Variants in ARHGAP10 observed in about 807,000 individuals in gnomAD.
ARHGAP10 encodes rho GTPase-activating protein 10.
A neutral mutation model predicts 108.6 loss-of-function variants in ARHGAP10; 87 were observed. The observed-to-expected ratio is 0.80, with a 90% CI of 0.67 to 0.96. The LOEUF is 0.96. Ranked by LOEUF, ARHGAP10 falls within the 40% of genes least tolerant of loss-of-function variation. ARHGAP10 has a pLI of 0.00. For synonymous variants in ARHGAP10, 347 were observed against 341.1 expected, an observed-to-expected ratio of 1.02 and a Z score of -0.19; for missense variants, 939 against 954.5, an observed-to-expected ratio of 0.98 and a Z score of 0.21.
chr4:147,737,453 C>T (rs1057100126), intron 1 of ARHGAP10, among the ~76,000 whole-genome samples: 5 of 151,718 alleles, frequency 3.3e-5, no homozygotes, highest in African/African-American at 1.2e-4. Flanking sequence ...CTGCGCCTGG[C>T]CTTAATGGCC....
At chr4:147,822,990 G>T (rs1228458257) in intron 3 of ARHGAP10, 33 bp downstream of exon 3, 1 of 1,581,340 alleles carries the variant, frequency 6.3e-7, no homozygotes, top group African/African-American at 1.4e-5. Context: ...TAATAAGTCA[G>T]CTTTCAAGGG....
intron 3 of ARHGAP10, among the ~76,000 whole-genome samples, chr4:147,827,909 G>A (rs988504913): frequency 2.6e-5 from 4 of 152,098 alleles, no homozygotes; most frequent in African/African-American, 9.7e-5. Context: ...AGGTTCAAGC[G>A]ATTTTCCTGC....
chr4:147,874,679 C>G (rs1734988849), intron 7 of ARHGAP10, among the ~76,000 whole-genome samples: 1 of 152,274 alleles, frequency 6.6e-6, no homozygotes, highest in East Asian at 1.9e-4. Context: ...ATATTAAAAC[C>G]TAACTTATGT....
chr4:147,970,008 G>A (rs893044406), intron 18 of ARHGAP10, among the ~76,000 whole-genome samples: 11 of 152,090 alleles, frequency 7.2e-5, no homozygotes, highest in African/African-American at 2.7e-4. Flanking sequence ...TGGAGATGGG[G>A]GATGTCAGTT....
At chr4:148,032,363 G>A (rs374002657) in intron 19 of ARHGAP10, among the ~76,000 whole-genome samples, 4 of 113,444 alleles carry the variant, frequency 3.5e-5, no homozygotes, top group African/African-American at 1.0e-4. Flanking sequence ...TAGGCCAAAC[G>A]TTGTAATCAT....
chr4:147,997,588 GCC>G (rs1456697792), intron 18 of ARHGAP10, among the ~76,000 whole-genome samples: 1 of 152,176 alleles, frequency 6.6e-6, no homozygotes, highest in African/African-American at 2.4e-5. Flanking sequence ...GACAAAGATG[GCC>G]CATCAGAAGG....
At chr4:147,958,900 A>G (rs1299452365) in intron 16 of ARHGAP10, among the ~76,000 whole-genome samples, 2 of 152,184 alleles carry the variant, frequency 1.3e-5, no homozygotes, top group East Asian at 3.8e-4. Flanking sequence ...AGTGTGGTAG[A>G]TGCTGATTTG....
intron 19 of ARHGAP10, among the ~76,000 whole-genome samples, chr4:148,029,587 T>A (rs1165691223): frequency 1.3e-5 from 2 of 152,208 alleles, no homozygotes; most frequent in Non-Finnish European, 2.9e-5. Context: ...TTGATGCAGA[T>A]TATAATCAAT....
chr4:147,937,208 C>T (rs1458530465), intron 13 of ARHGAP10, among the ~76,000 whole-genome samples: 1 of 151,938 alleles, frequency 6.6e-6, no homozygotes, highest in Non-Finnish European at 1.5e-5. Context: ...CAATATTAAG[C>T]TATCAGCAGG....
At chr4:147,997,725 A>C (rs1740534776) in intron 18 of ARHGAP10, among the ~76,000 whole-genome samples, 1 of 152,232 alleles carries the variant, frequency 6.6e-6, no homozygotes, top group Admixed American at 6.5e-5. Flanking sequence ...AAATTTCAAG[A>C]AAGATTAATT....
chr4:148,068,049 G>T (rs573323669), intron 22 of ARHGAP10, among the ~76,000 whole-genome samples: 6 of 151,994 alleles, frequency 3.9e-5, no homozygotes, highest in African/African-American at 1.4e-4. Context: ...TCCTGTGATG[G>T]CCAGAGGGAC....
chr4:147,984,303 C>T (rs1739945069), intron 18 of ARHGAP10, among the ~76,000 whole-genome samples: 1 of 152,228 alleles, frequency 6.6e-6, no homozygotes, highest in South Asian at 2.1e-4. Context: ...CCCCAGGAAG[C>T]AGTTTCTTTC....
At chr4:147,959,730 G>T (rs1402954710) in intron 16 of ARHGAP10, among the ~76,000 whole-genome samples, 1 of 152,090 alleles carries the variant, frequency 6.6e-6, no homozygotes, top group African/African-American at 2.4e-5. Context: ...GTATTTCATG[G>T]TGTGTATGTG....
chr4:148,004,187 C>T (rs6810743), intron 18 of ARHGAP10, among the ~76,000 whole-genome samples: 261 of 152,272 alleles, frequency 1.7e-3, no homozygotes, highest in African/African-American at 6.1e-3. Flanking sequence ...ATGACCCTGT[C>T]TCAAAAATAA....
intron 6 of ARHGAP10, 167 bp from the exon 7 acceptor site, chr4:147,866,545 T>G (rs1431979192): frequency 3.7e-6 from 2 of 547,140 alleles, no homozygotes; most frequent in Non-Finnish European, 6.5e-6. Context: ...GACCAATTAA[T>G]AGATAATATG....
rs138079137 is a variant in ARHGAP10 at position 147,779,946 on chromosome 4, C to A, written c.155-42781C>A. Among the ~76,000 whole-genome samples the A allele has an allele frequency of 3.8e-3, 585 of 152,210 alleles. 3 individuals are homozygous for A. Among genetic ancestry groups the A allele is most frequent in the African/African-American group, 0.012 (504 of 41,506 alleles). The stretch of plus-strand genomic sequence containing the variant: ...ACACTTACACCCTTATAGTCTTGCC[C>A]GAGTATGAGTGGGACAATGTCACTT... On this transcript the variant is annotated intron_variant, in intron 1 of 22. Coordinates refer to ENST00000336498, the MANE Select transcript of ARHGAP10 (RefSeq NM_024605.4).
intron 19 of ARHGAP10, among the ~76,000 whole-genome samples, chr4:148,039,423 A>G (rs1192166937): frequency 1.8e-5 from 2 of 108,216 alleles, no homozygotes; most frequent in African/African-American, 3.8e-5. Context: ...TCTGTAGCCT[A>G]TACCATTACA....
At chr4:147,941,941 G>T (rs145085629) in intron 14 of ARHGAP10, among the ~76,000 whole-genome samples, 203 of 151,944 alleles carry the variant, frequency 1.3e-3, no homozygotes, top group Middle Eastern at 3.4e-3. Context: ...ATTGAACACT[G>T]ATTGAGTGTT....
In ARHGAP10 at chr4:147,979,700, G is replaced by A. The variant is rs544295079; in HGVS notation, c.1716+12861G>A. 6.6e-5 allele frequency among the ~76,000 whole-genome samples: 10 copies of A among 152,220 alleles called. No individual in the cohort carries two copies. The South Asian group carries it at 8.3e-4, about 13-fold the overall frequency. The stretch of plus-strand genomic sequence containing the variant: ...GCTTTTCCATTTATTTGTATTGTCT[G>A]TGATATCTTTCAGCAGTGTTTTGTA... On this transcript the variant is annotated intron_variant, in intron 18 of 22. Coordinates refer to ENST00000336498, the MANE Select transcript of ARHGAP10 (RefSeq NM_024605.4).
Sources: gnomAD v4.1 joint callset for allele counts (sites outside exome capture counted in the v4.1 genomes callset) on GRCh38, gnomAD v4.1.1 for gene constraint, MANE v1.5 for transcripts, NCBI Gene and HGNC (gene_info 2026-07-23, HGNC 2026-07-21) for gene names.